The following PCCA variants were observed in gnomAD, a reference collection of about 807,000 sequenced individuals.
PCCA encodes propionyl-CoA carboxylase alpha chain, mitochondrial.
PCCA carries 74 observed loss-of-function variants against 101.3 expected under a neutral mutation model. The observed-to-expected ratio is 0.73, with a 90% CI of 0.61 to 0.89. The LOEUF is 0.89. Ranked by LOEUF, PCCA falls within the 40% of genes least tolerant of loss-of-function variation. The pLI is 0.00. For missense variants in PCCA, 891 were observed against 907.0 expected, an observed-to-expected ratio of 0.98 and a Z score of 0.23; for synonymous variants, 294 against 313.6, an observed-to-expected ratio of 0.94 and a Z score of 0.66.
At chr13:100,505,178 C>A (rs1235639170) in intron 21 of PCCA, among the ~76,000 whole-genome samples, 3 of 152,170 alleles carry the variant, frequency 2.0e-5, no homozygotes, top group South Asian at 2.1e-4. Context: ...CTTAGTAATC[C>A]TTGAATACGT....
At chr13:100,348,920 T>TTTCTTTCTTTCCTTCTTTCCTTCCTTCC (rs1555429132) in intron 18 of PCCA, among the ~76,000 whole-genome samples, 1 of 89,020 alleles carries the variant, frequency 1.1e-5, no homozygotes, top group African/African-American at 4.3e-5. Flanking sequence ...CTTTCTTTTC[T>TTTCTTTCTTTCCTTCTTTCCTTCCTTCC]TTTCTTTTCT....
intron 5 of PCCA, among the ~76,000 whole-genome samples, chr13:100,157,075 G>A (rs2053962441): frequency 6.6e-6 from 1 of 152,200 alleles, no homozygotes; most frequent in African/African-American, 2.4e-5. Flanking sequence ...AGGACAAAGG[G>A]AGTGTGGAGA....
Position 100,338,311 on chromosome 13 carries a change from A to G in PCCA, c.1541-1846A>G, listed in dbSNP as rs545756694. Among the ~76,000 whole-genome samples the G allele has an allele frequency of 1.1e-4, 16 of 152,320 alleles. No homozygotes were observed. The South Asian group carries it at 1.2e-3, about 12-fold the overall frequency. ...GGAACTTGAAAATATTTATTCATTC[A>G]TTCTGAAAGTAATGGTAATAAATCC... On this transcript the variant is annotated intron_variant, in intron 17 of 23. Transcript: ENST00000376285.
chr13:100,216,518 G>C (rs180993599), intron 7 of PCCA, among the ~76,000 whole-genome samples: 236 of 152,304 alleles, frequency 1.5e-3, no homozygotes, highest in African/African-American at 5.5e-3. Context: ...CATGGTGCCT[G>C]ACATATTGTC....
intron 6 of PCCA, chr13:100,198,526 T>C (rs2058264971): frequency 6.6e-6 from 1 of 151,858 alleles, no homozygotes; most frequent in Non-Finnish European, 1.5e-5. Flanking sequence ...TTGAGACGAG[T>C]TTCGCTCTTG....
At chr13:100,172,294 A>G (rs1408013538) in intron 6 of PCCA, among the ~76,000 whole-genome samples, 3 of 151,948 alleles carry the variant, frequency 2.0e-5, no homozygotes, top group Non-Finnish European at 4.4e-5. Flanking sequence ...TGTCTTTGGT[A>G]TTCACATCAA....
chr13:100,174,727 CAAA>C (rs35584409), intron 6 of PCCA, among the ~76,000 whole-genome samples: 4 of 80,826 alleles, frequency 4.9e-5, no homozygotes. Flanking sequence ...GACCCCATCT[CAAA>C]AAAAAAAAAA....
Position 100,427,542 on chromosome 13 carries a change from G to A in PCCA, c.1845+1811G>A, listed in dbSNP as rs570114627. Reference sequence around the variant, plus strand: ...TTTCCCTAGTGTAGGGATCATGTTCGGTAAATCCCTTTTTAATCCTGTAAG... The same window carrying A: ...TTTCCCTAGTGTAGGGATCATGTTCAGTAAATCCCTTTTTAATCCTGTAAG... On this transcript the variant is annotated intron_variant, in intron 20 of 23. Coordinates refer to ENST00000376285, the MANE Select transcript of PCCA (RefSeq NM_000282.4). Among the ~76,000 whole-genome samples the A allele has an allele frequency of 4.0e-4, 61 of 151,984 alleles. 1 individual carries two copies. Among genetic ancestry groups the A allele is most frequent in the Admixed American group, 8.5e-4 (13 of 15,270 alleles).
intron 14 of PCCA, among the ~76,000 whole-genome samples, chr13:100,306,915 G>A (rs145292628): frequency 7.4e-4 from 112 of 152,296 alleles, no homozygotes; most frequent in East Asian, 1.9e-3. Flanking sequence ...CCATCAGAGA[G>A]CCACAGCATC....
intron 12 of PCCA, among the ~76,000 whole-genome samples, chr13:100,276,212 C>CA (rs2063644793): frequency 7.1e-5 from 1 of 14,132 alleles, no homozygotes; most frequent in Non-Finnish European, 1.4e-4. Context: ...CTTGTCTGTA[C>CA]CAAAAAAAAA....
At chr13:100,410,955 G>T (rs756541929) in intron 19 of PCCA, among the ~76,000 whole-genome samples, 1 of 152,136 alleles carries the variant, frequency 6.6e-6, no homozygotes, top group Non-Finnish European at 1.5e-5. Flanking sequence ...TAGCAAACTT[G>T]TTAGTTAGCC....
intron 22 of PCCA, among the ~76,000 whole-genome samples, chr13:100,520,504 G>A (rs1425634896): frequency 7.9e-5 from 12 of 151,546 alleles, no homozygotes; most frequent in East Asian, 7.7e-4. Context: ...GCGCAGTGGC[G>A]GGCGCCTGTA....
At chr13:100,460,286 T>G (rs1256425983) in intron 21 of PCCA, among the ~76,000 whole-genome samples, 9 of 152,246 alleles carry the variant, frequency 5.9e-5, no homozygotes, top group Admixed American at 5.2e-4. Context: ...AGAATAAATA[T>G]TTTGTTATTA....
At chr13:100,248,367 A>G (rs2061567368) in intron 8 of PCCA, among the ~76,000 whole-genome samples, 2 of 152,044 alleles carry the variant, frequency 1.3e-5, no homozygotes, top group African/African-American at 2.4e-5. Context: ...CTATGTTGGA[A>G]ATTTTATACT....
At chr13:100,098,750 G>A (rs1341591028) in intron 1 of PCCA, among the ~76,000 whole-genome samples, 2 of 152,174 alleles carry the variant, frequency 1.3e-5, no homozygotes, top group Admixed American at 1.3e-4. Flanking sequence ...TAGTACAGAG[G>A]CAGAGCCCAG....
intron 1 of PCCA, among the ~76,000 whole-genome samples, chr13:100,095,063 C>G (rs1214735856): frequency 6.6e-6 from 1 of 152,194 alleles, no homozygotes; most frequent in African/African-American, 2.4e-5. Flanking sequence ...AGGGGAGAAT[C>G]CTTTCTTGCC....
chr13:100,464,001 G>A (rs774368302), intron 21 of PCCA, among the ~76,000 whole-genome samples: 1 of 152,288 alleles, frequency 6.6e-6, no homozygotes, highest in East Asian at 1.9e-4. Context: ...TGCCTTACGC[G>A]TGTATGGTGC....
chr13:100,333,867 A>C (rs1595403862), intron 17 of PCCA, among the ~76,000 whole-genome samples: 1 of 152,202 alleles, frequency 6.6e-6, no homozygotes, highest in East Asian at 1.9e-4. Flanking sequence ...CTACACTTTA[A>C]AAAATACTAC....
intron 4 of PCCA, among the ~76,000 whole-genome samples, chr13:100,139,572 C>T (rs1424065172): frequency 6.6e-6 from 1 of 151,582 alleles, no homozygotes; most frequent in Non-Finnish European, 1.5e-5. Context: ...TAAAATTTTC[C>T]ATTGGTTTCT....
Sources: allele counts gnomAD v4.1 joint callset (sites outside exome capture counted in the v4.1 genomes callset), GRCh38; gene constraint gnomAD v4.1.1; transcripts MANE v1.5; gene names NCBI Gene and HGNC (gene_info 2026-07-23, HGNC 2026-07-21).